Variants in FARS2 observed in about 807,000 individuals in gnomAD.
FARS2 encodes the protein phenylalanine--tRNA ligase, mitochondrial.
In FARS2, 40 loss-of-function variants were observed where a neutral mutation model predicts 46.4. The observed-to-expected ratio is 0.86, with a 90% CI of 0.67 to 1.12. The LOEUF is 1.12. Ranked by LOEUF, FARS2 falls within the 50% of genes most tolerant of loss-of-function variation. The probability of loss-of-function intolerance (pLI) is 0.00; values close to 1 mark genes in which losing one functional copy is unlikely to be tolerated. For synonymous variants in FARS2, 234 were observed against 214.9 expected (o/e 1.09, Z -0.78); for missense variants, 513 against 567.9 (o/e 0.90, Z 0.98).
At chr6:5,661,940 G>A (rs896014580) in intron 6 of FARS2, among the ~76,000 whole-genome samples, 3 of 151,350 alleles carry the variant, frequency 2.0e-5, no homozygotes, top group African/African-American at 7.3e-5. Flanking sequence ...AGATGTTACA[G>A]TGTTCCTCAG....
At chr6:5,504,056 G>T (rs1341874678) in intron 4 of FARS2, among the ~76,000 whole-genome samples, 1 of 152,172 alleles carries the variant, frequency 6.6e-6, no homozygotes, top group Non-Finnish European at 1.5e-5. Flanking sequence ...CCAGCTAGAA[G>T]ATATTGCCGT....
intron 4 of FARS2, among the ~76,000 whole-genome samples, chr6:5,490,854 A>T (rs1307342124): frequency 1.3e-5 from 2 of 152,216 alleles, no homozygotes; most frequent in Admixed American, 6.5e-5. Flanking sequence ...TTGGAAGCAG[A>T]TATCCAACCA....
intron 1 of FARS2, among the ~76,000 whole-genome samples, chr6:5,301,989 G>A (rs1438000629): frequency 6.6e-6 from 1 of 152,114 alleles, no homozygotes; most frequent in African/African-American, 2.4e-5. Flanking sequence ...GAACTTACAA[G>A]GAGCTCCTTA....
intron 4 of FARS2, among the ~76,000 whole-genome samples, chr6:5,493,224 A>AG (rs1313624632): frequency 2.8e-4 from 42 of 151,784 alleles, no homozygotes; most frequent in African/African-American, 7.0e-4. Context: ...AAAAAAAAAA[A>AG]AAAAGAAAAA....
chr6:5,722,243 A>G (rs529967741), intron 6 of FARS2, among the ~76,000 whole-genome samples: 5 of 152,332 alleles, frequency 3.3e-5, no homozygotes, highest in African/African-American at 1.2e-4. Flanking sequence ...AAGGGCAAAT[A>G]AAGTCTTAAT....
At chr6:5,308,510 A>T (rs1323119714) in intron 1 of FARS2, among the ~76,000 whole-genome samples, 2 of 152,214 alleles carry the variant, frequency 1.3e-5, no homozygotes, top group Non-Finnish European at 2.9e-5. Context: ...CTGTACACTG[A>T]TACTGTTATA....
chr6:5,416,833 T>G (rs547706805), intron 3 of FARS2, among the ~76,000 whole-genome samples: 1 of 152,348 alleles, frequency 6.6e-6, no homozygotes, highest in South Asian at 2.1e-4. Flanking sequence ...CACTTCACTT[T>G]GAGTGCTGTT....
chr6:5,581,492 G>A (rs1177205763), intron 5 of FARS2, among the ~76,000 whole-genome samples: 2 of 152,162 alleles, frequency 1.3e-5, no homozygotes, highest in Admixed American at 6.5e-5. Context: ...AGAACTCTCC[G>A]CATCGCACAC....
intron 6 of FARS2, among the ~76,000 whole-genome samples, chr6:5,721,676 A>G (rs112339199): frequency 0.033 from 5,063 of 152,290 alleles, 278 homozygotes; most frequent in African/African-American, 0.11. Flanking sequence ...GGAATGCCTT[A>G]AGTATTGGGA....
At chr6:5,558,275 A>G (rs906565418) in intron 5 of FARS2, among the ~76,000 whole-genome samples, 4 of 152,106 alleles carry the variant, frequency 2.6e-5, no homozygotes, top group African/African-American at 7.3e-5. Flanking sequence ...CACACCTGAG[A>G]TGTGAGGAAT....
At chr6:5,319,642 C>G (rs1769824029) in intron 1 of FARS2, among the ~76,000 whole-genome samples, 1 of 152,196 alleles carries the variant, frequency 6.6e-6, no homozygotes, top group Non-Finnish European at 1.5e-5. Flanking sequence ...TTAATAAACT[C>G]TCACTCCTGC....
At chr6:5,537,646 A>G (rs1770303788) in intron 4 of FARS2, among the ~76,000 whole-genome samples, 3 of 151,966 alleles carry the variant, frequency 2.0e-5, no homozygotes, top group South Asian at 4.1e-4. Context: ...GGAGATGCAG[A>G]CAAGAGGCCA....
chr6:5,284,290 A>C (rs1008372232), intron 1 of FARS2, among the ~76,000 whole-genome samples: 9 of 152,122 alleles, frequency 5.9e-5, no homozygotes, highest in Non-Finnish European at 1.3e-4. Flanking sequence ...ACTATTCTGG[A>C]GTTTTGGTGG....
intron 6 of FARS2, among the ~76,000 whole-genome samples, chr6:5,650,942 T>G (rs1033355686): frequency 6.6e-6 from 1 of 152,204 alleles, no homozygotes; most frequent in Non-Finnish European, 1.5e-5. Flanking sequence ...CACCAATTAT[T>G]CACCCTCTTG....
intron 1 of FARS2, among the ~76,000 whole-genome samples, chr6:5,295,909 G>T (rs1396733476): frequency 6.6e-6 from 1 of 152,038 alleles, no homozygotes; most frequent in African/African-American, 2.4e-5. Flanking sequence ...ATCTTTTCAC[G>T]TAAAACACTG....
At chr6:5,379,344 G>C (rs969864289) in intron 2 of FARS2, among the ~76,000 whole-genome samples, 4 of 152,176 alleles carry the variant, frequency 2.6e-5, no homozygotes, top group African/African-American at 9.7e-5. Context: ...GTGTCTGTTA[G>C]GGTCCAATTC....
At chr6:5,667,333 T>A (rs546878679) in intron 6 of FARS2, among the ~76,000 whole-genome samples, 1 of 151,510 alleles carries the variant, frequency 6.6e-6, no homozygotes, top group Non-Finnish European at 1.5e-5. Context: ...GCCTGGCCAA[T>A]ATGGAGAAAC....
chr6:5,397,663 A>C (rs1316334092), intron 2 of FARS2, among the ~76,000 whole-genome samples: 3 of 152,246 alleles, frequency 2.0e-5, no homozygotes, highest in Non-Finnish European at 4.4e-5. Context: ...AGAACTAAAT[A>C]GAACATGTAA....
chr6:5,321,659 C>T (rs577506708), intron 1 of FARS2, among the ~76,000 whole-genome samples: 31 of 152,178 alleles, frequency 2.0e-4, no homozygotes, highest in Middle Eastern at 3.4e-3. Flanking sequence ...CATATCCTAG[C>T]GTCATTTTTC....
Sources: allele counts gnomAD v4.1 joint callset (sites outside exome capture counted in the v4.1 genomes callset), GRCh38; gene constraint gnomAD v4.1.1; transcripts MANE v1.5; gene names NCBI Gene and HGNC (gene_info 2026-07-23, HGNC 2026-07-21).